The following ZWILCH variants were observed in gnomAD, a reference collection of about 807,000 sequenced individuals.
ZWILCH encodes the protein protein zwilch homolog.
ZWILCH carries 74 observed loss-of-function variants against 79.9 expected under a neutral mutation model. The ratio of observed to expected loss-of-function variants is 0.93; its 90% CI spans 0.77 to 1.12. The LOEUF (loss-of-function observed/expected upper bound fraction) is 1.12, where lower values mean the gene tolerates loss of function less well. Among genes scored for constraint, ZWILCH ranks in the 50% most tolerant of loss-of-function variants. The pLI is 0.00. For missense variants in ZWILCH, 694 were observed against 687.5 expected, an observed-to-expected ratio of 1.01 and a Z score of -0.11; for synonymous variants, 241 against 228.2, an observed-to-expected ratio of 1.06 and a Z score of -0.51.
chr15:66,536,142 A>G, intron 15 of ZWILCH, 73 bp downstream of exon 15: 2 of 1,327,262 alleles, frequency 1.5e-6, no homozygotes, highest in Non-Finnish European at 2.0e-6. Context: ...AAATATGTAC[A>G]GTTTTTATTA....
At chr15:66,544,373 C>A (rs2140813467) in intron 17 of ZWILCH, among the ~76,000 whole-genome samples, 1 of 152,044 alleles carries the variant, frequency 6.6e-6, no homozygotes, top group African/African-American at 2.4e-5. Context: ...GCTCTGTCAC[C>A]CCAGCTGGAG....
At chr15:66,522,031 C>G (rs1894511835) in intron 7 of ZWILCH, among the ~76,000 whole-genome samples, 1 of 152,082 alleles carries the variant, frequency 6.6e-6, no homozygotes, top group African/African-American at 2.4e-5. Flanking sequence ...AACCCTGTCT[C>G]TACTAAAAAT....
Position 66,521,239 on chromosome 15 carries a change from T to C in ZWILCH, c.747+34T>C, listed in dbSNP as rs373120911. 20 of 1,599,952 alleles carry C rather than the reference T, an allele frequency of 1.3e-5. No homozygotes were observed. In the African/African-American group the frequency reaches 2.3e-4, roughly 18 times the overall value. On this transcript the variant is annotated intron_variant, in intron 7 of 18. Transcript: ENST00000307897. ...GGGCCCTATTTCCTTTTCGGGTTCA[T>C]GAGACTCCTAAATGTTGGCTTACTT... is the stretch of plus-strand genomic sequence containing the variant.
At chr15:66,513,495 G>A (rs1421678647) in intron 2 of ZWILCH, among the ~76,000 whole-genome samples, 1 of 151,940 alleles carries the variant, frequency 6.6e-6, no homozygotes, top group Non-Finnish European at 1.5e-5. Context: ...GAGCCCAGGA[G>A]TTTGAGGCTG....
chr15:66,514,830 C>T (rs1894196527), intron 3 of ZWILCH, among the ~76,000 whole-genome samples: 1 of 152,154 alleles, frequency 6.6e-6, no homozygotes, highest in East Asian at 1.9e-4. Flanking sequence ...AGACTGTGGG[C>T]CTAAGGTTAT....
In ZWILCH at chr15:66,527,304, T is replaced by C; in HGVS notation, c.834T>C (p.Gly278=). Residue 278 remains glycine, a synonymous_variant, in exon 9 of 19, where the codon GGT becomes GGC. Coordinates refer to ENST00000307897, the MANE Select transcript of ZWILCH (RefSeq NM_017975.5). ...ATCTCCTGTAGGTTTTGGCTGATGGTTTGAGGACTGGTGTCACTGAATGGC... is the reference window on the plus strand; with the variant it reads ...ATCTCCTGTAGGTTTTGGCTGATGGCTTGAGGACTGGTGTCACTGAATGGC... ...ELKFLLVLAD[G]LRTGVTEWLE... 6.2e-7 allele frequency: 1 copy of C among 1,614,062 alleles called. No homozygotes were observed. Among genetic ancestry groups the C allele is most frequent in the Non-Finnish European group, 8.5e-7 (1 of 1,179,956 alleles).
In ZWILCH at chr15:66,528,929, T is replaced by C. The variant is rs761274417; in HGVS notation, c.1047T>C (p.Ala349=). The C allele has an allele frequency of 7.4e-6, 12 of 1,614,008 alleles. No individual in the cohort carries two copies. Among genetic ancestry groups the C allele is most frequent in the Non-Finnish European group, 1.0e-5 (12 of 1,179,996 alleles). The change falls in exon 11 of 19, where the codon GCT becomes GCC. Residue 349 remains alanine, a synonymous_variant. Coordinates refer to ENST00000307897, the MANE Select transcript of ZWILCH (RefSeq NM_017975.5). ...AAGTTCGGAGTGATCTTGATTTTGC[T>C]GAGCAACTGTGGTGCAAAATGAGCA... The part of the protein sequence containing the change: ...LFKVRSDLDF[A]EQLWCKMSSS...
chr15:66,509,819 CTACATATATATATATATATATATA>C (rs1319791233), intron 2 of ZWILCH, among the ~76,000 whole-genome samples: 1 of 49,850 alleles, frequency 2.0e-5, no homozygotes, highest in East Asian at 3.8e-4. Context: ...GTGTGTGTGG[CTACATATATATATATATATATATA>C]TATATATATA....
intron 17 of ZWILCH, among the ~76,000 whole-genome samples, chr15:66,543,218 A>G (rs982983784): frequency 1.3e-5 from 2 of 152,102 alleles, no homozygotes; most frequent in African/African-American, 4.8e-5. Context: ...ATAAATAAAT[A>G]AATACATTCT....
Position 66,524,865 on chromosome 15 carries a change from T to C in ZWILCH, c.819+1117T>C, listed in dbSNP as rs143608508. On this transcript the variant is annotated intron_variant, in intron 8 of 18. Coordinates refer to ENST00000307897, the MANE Select transcript of ZWILCH (RefSeq NM_017975.5). ...TCTTTTAGGACCCTTACTGCGGGCC[T>C]CCATCATACTTTTGCCCTCACATCT... Among the ~76,000 whole-genome samples, 346 of 152,302 alleles carry C rather than the reference T, an allele frequency of 2.3e-3. 1 individual carries two copies. Among genetic ancestry groups the C allele is most frequent in the Middle Eastern group, 0.014 (4 of 294 alleles).
chr15:66,537,096 C>A, intron 15 of ZWILCH, 72 bp from the exon 16 acceptor site: 1 of 1,204,832 alleles, frequency 8.3e-7, no homozygotes, highest in Non-Finnish European at 1.2e-6. Flanking sequence ...CCCTTACGAG[C>A]TTTAGACTAC....
At chr15:66,517,411 T>TGC (rs1555424233) in intron 4 of ZWILCH, among the ~76,000 whole-genome samples, 2 of 45,266 alleles carry the variant, frequency 4.4e-5, no homozygotes, top group African/African-American at 2.0e-4. Context: ...TTTGTGTTTG[T>TGC]GTGTGCGTGT....
At position 66,523,669 on chromosome 15, in the gene ZWILCH, CTT is replaced by C. The variant is rs1894580629; in HGVS notation, c.748-4_748-3del. 1 of 1,606,670 alleles carries C rather than the reference CTT, an allele frequency of 6.2e-7. No individual in the cohort carries two copies. Among genetic ancestry groups the C allele is most frequent in the African/African-American group, 1.3e-5 (1 of 74,686 alleles). ...CTAGAAAACTGACAGACTTTGGAAA[CTT>C]TTTAGAATATTAAAGTGGAATCAGG... On this transcript the variant is annotated splice_polypyrimidine_tract_variant and splice_region_variant and intron_variant, in intron 7 of 18. Coordinates refer to ENST00000307897, the MANE Select transcript of ZWILCH (RefSeq NM_017975.5).
At chr15:66,520,126 T>C (rs1894439984) in intron 5 of ZWILCH, among the ~76,000 whole-genome samples, 1 of 151,828 alleles carries the variant, frequency 6.6e-6, no homozygotes, top group Non-Finnish European at 1.5e-5. Context: ...TAAATTCTTA[T>C]TTTTAGTTTT....
intron 15 of ZWILCH, among the ~76,000 whole-genome samples, chr15:66,536,698 G>A (rs1895026995): frequency 6.6e-6 from 1 of 151,928 alleles, no homozygotes; most frequent in African/African-American, 2.4e-5. Context: ...AGAGGGGAAA[G>A]TTTGAAATTG....
intron 1 of ZWILCH, 144 bp from the exon 2 acceptor site, chr15:66,508,697 A>G (rs1037216407): frequency 1.6e-5 from 22 of 1,395,286 alleles, no homozygotes; most frequent in Non-Finnish European, 2.0e-5. Flanking sequence ...TCTCTCTGCA[A>G]CTACATCTTA....
At chr15:66,519,735 C>T (rs977608445) in intron 5 of ZWILCH, among the ~76,000 whole-genome samples, 51 of 152,208 alleles carry the variant, frequency 3.4e-4, no homozygotes, top group Non-Finnish European at 1.0e-4. Flanking sequence ...CCACCCCCCT[C>T]GGCCTCCCGA....
At chr15:66,524,860 G>A (rs950308069) in intron 8 of ZWILCH, among the ~76,000 whole-genome samples, 2 of 151,746 alleles carry the variant, frequency 1.3e-5, no homozygotes, top group African/African-American at 2.4e-5. Flanking sequence ...CCCTTACTGC[G>A]GGCCTCCATC....
intron 17 of ZWILCH, among the ~76,000 whole-genome samples, chr15:66,544,724 T>TTTTGTGTGTGTGTGTGTGTGTGTG (rs145952622): frequency 7.8e-6 from 1 of 128,490 alleles, no homozygotes; most frequent in African/African-American, 3.1e-5. Context: ...TTTTTGGTTT[T>TTTTGTGTGTGTGTGTGTGTGTGTG]TGTGTGTGTG....
Sources: gnomAD v4.1 joint callset for allele counts (sites outside exome capture counted in the v4.1 genomes callset) on GRCh38, gnomAD v4.1.1 for gene constraint, MANE v1.5 for transcripts, NCBI Gene and HGNC (gene_info 2026-07-23, HGNC 2026-07-21) for gene names.